ERBB4: variants seen among roughly 807,000 people sequenced by gnomAD.
The protein encoded by ERBB4 is erb-b2 receptor tyrosine kinase 4.
A neutral mutation model predicts 158.0 loss-of-function variants in ERBB4; 42 were observed. The observed-to-expected ratio is 0.27, with a 90% CI of 0.21 to 0.34. The LOEUF (loss-of-function observed/expected upper bound fraction) is 0.34, where lower values mean the gene tolerates loss of function less well. Among genes scored for constraint, ERBB4 ranks in the 10% least tolerant of loss-of-function variants. The pLI, the probability that ERBB4 is intolerant of heterozygous loss-of-function variation, is 1.00. For missense variants in ERBB4, 1,333 were observed against 1,624.1 expected, an observed-to-expected ratio of 0.82 and a Z score of 3.08; for synonymous variants, 583 against 558.7, an observed-to-expected ratio of 1.04 and a Z score of -0.61.
At chr2:211,558,603 G>GA (rs906849861) in intron 20 of ERBB4, among the ~76,000 whole-genome samples, 2 of 151,726 alleles carry the variant, frequency 1.3e-5, no homozygotes, top group African/African-American at 4.8e-5. Context: ...TTGCACATGA[G>GA]AAAAAAATAT....
rs1467383739 is a variant in ERBB4, at chr2:212,124,779, C to T, written c.207G>A (p.Glu69=). ...GCAGGAAGGAGAGGTCCCGGTTGTG[C>T]TCAATGCTGGTTATCTCCAGGTTGC... ...VMGNLEITSI[E]HNRDLSFLRS... The change falls in exon 2 of 28, where the codon GAG becomes GAA. Residue 69 remains glutamate, a synonymous_variant. Transcript: ENST00000342788. The T allele has an allele frequency of 6.2e-7, 1 of 1,614,168 alleles. No individual in the cohort carries two copies. Among genetic ancestry groups the T allele is most frequent in the Non-Finnish European group, 8.5e-7 (1 of 1,180,012 alleles).
intron 2 of ERBB4, among the ~76,000 whole-genome samples, chr2:212,071,145 G>A (rs2078104510): frequency 1.3e-5 from 2 of 151,710 alleles, no homozygotes; most frequent in Admixed American, 1.3e-4. Flanking sequence ...TACTTTCTTT[G>A]GGAATCTGTA....
At chr2:211,390,481 A>C (rs1027960601) in intron 25 of ERBB4, among the ~76,000 whole-genome samples, 1 of 152,254 alleles carries the variant, frequency 6.6e-6, no homozygotes, top group Non-Finnish European at 1.5e-5. Context: ...CTAGAATTAC[A>C]GCTGAGAAAT....
chr2:211,397,501 G>T (rs2062945456), intron 25 of ERBB4, among the ~76,000 whole-genome samples: 1 of 152,140 alleles, frequency 6.6e-6, no homozygotes. Context: ...ATGACCCATA[G>T]AGACGGTAAA....
intron 3 of ERBB4, among the ~76,000 whole-genome samples, chr2:211,866,143 C>T (rs561142699): frequency 2.0e-5 from 3 of 152,136 alleles, no homozygotes; most frequent in East Asian, 3.9e-4. Flanking sequence ...CCCAGCTACT[C>T]GGGAGGCTGG....
At chr2:212,433,281 A>G (rs745861173) in intron 1 of ERBB4, among the ~76,000 whole-genome samples, 18 of 152,042 alleles carry the variant, frequency 1.2e-4, no homozygotes, top group Non-Finnish European at 2.5e-4. Context: ...TACATCAATT[A>G]TAAGTGTGAG....
At chr2:212,342,800 A>G (rs1272962093) in intron 1 of ERBB4, among the ~76,000 whole-genome samples, 3 of 152,210 alleles carry the variant, frequency 2.0e-5, no homozygotes, top group African/African-American at 7.2e-5. Flanking sequence ...CTAAACAATT[A>G]CTTTGCATTA....
intron 16 of ERBB4, among the ~76,000 whole-genome samples, chr2:211,653,799 T>C (rs1456828278): frequency 6.6e-6 from 1 of 151,896 alleles, no homozygotes; most frequent in Non-Finnish European, 1.5e-5. Flanking sequence ...CTCAGCCTCT[T>C]GAGTAGCTGG....
chr2:211,393,241 T>TATA (rs1574401040), intron 25 of ERBB4, among the ~76,000 whole-genome samples: 1 of 152,208 alleles, frequency 6.6e-6, no homozygotes, highest in East Asian at 1.9e-4. Context: ...GAGAAACTAA[T>TATA]ATATATTATG....
intron 1 of ERBB4, among the ~76,000 whole-genome samples, chr2:212,142,205 T>C (rs949863155): frequency 2.0e-5 from 3 of 152,188 alleles, no homozygotes; most frequent in African/African-American, 7.2e-5. Flanking sequence ...TTATATTTTT[T>C]ATCACTTATC....
chr2:211,805,183 T>C (rs1312173737), intron 3 of ERBB4, among the ~76,000 whole-genome samples: 1 of 152,166 alleles, frequency 6.6e-6, no homozygotes, highest in African/African-American at 2.4e-5. Context: ...CCTCCCAAAG[T>C]GCTAAAGTGC....
At chr2:211,552,596 A>G (rs2067128665) in intron 20 of ERBB4, among the ~76,000 whole-genome samples, 2 of 152,180 alleles carry the variant, frequency 1.3e-5, no homozygotes, top group African/African-American at 4.8e-5. Context: ...TCTGAGTTTA[A>G]CCTCAAATCA....
intron 4 of ERBB4, among the ~76,000 whole-genome samples, chr2:211,787,639 GA>G (rs1375907397): frequency 6.6e-6 from 1 of 152,084 alleles, no homozygotes; most frequent in Non-Finnish European, 1.5e-5. Context: ...AAATTATAGT[GA>G]ATAGGAAGGT....
At chr2:211,728,312 A>G (rs1290203227) in intron 5 of ERBB4, among the ~76,000 whole-genome samples, 2 of 151,562 alleles carry the variant, frequency 1.3e-5, no homozygotes, top group Non-Finnish European at 3.0e-5. Flanking sequence ...TGGCACTTAC[A>G]TAGTTTTATT....
At chr2:211,626,794 G>A (rs1367207453) in intron 17 of ERBB4, among the ~76,000 whole-genome samples, 2 of 151,818 alleles carry the variant, frequency 1.3e-5, no homozygotes, top group Non-Finnish European at 2.9e-5. Context: ...ACGTGTTGGC[G>A]GGCGCCTGTA....
intron 1 of ERBB4, among the ~76,000 whole-genome samples, chr2:212,404,336 C>T (rs2106470456): frequency 6.6e-6 from 1 of 152,060 alleles, no homozygotes; most frequent in South Asian, 2.1e-4. Context: ...CTGTTAATCC[C>T]ACCTGGACCC....
intron 1 of ERBB4, among the ~76,000 whole-genome samples, chr2:212,487,487 C>G (rs1435892243): frequency 6.6e-6 from 1 of 151,082 alleles, no homozygotes; most frequent in Non-Finnish European, 1.5e-5. Context: ...AAGTTCTGTA[C>G]AGACAGAGCT....
chr2:211,550,594 T>TATATATATATATATAA lies in ERBB4; in HGVS notation c.2487+11308_2487+11309insTTATATATATATATAT, dbSNP rs1256961213. Reference sequence around the variant, plus strand: ...CTTAGAATATATATATATATATATATAAATATATAGATATCTATCTCTATA... The same window carrying TATATATATATATATAA: ...CTTAGAATATATATATATATATATATATATATATATATATAAAAATATATAGATATCTATCTCTATA... On this transcript the variant is annotated intron_variant, in intron 20 of 27. Coordinates refer to ENST00000342788, the MANE Select transcript of ERBB4 (RefSeq NM_005235.3). Among the ~76,000 whole-genome samples the TATATATATATATATAA allele has an allele frequency of 8.1e-4, 117 of 145,260 alleles. 1 individual carries two copies. The highest frequency in any genetic ancestry group is 1.5e-3 in the Non-Finnish European group (102 of 66,540).
Position 211,665,290 on chromosome 2 carries a change from C to A in ERBB4, c.1871+33G>T, listed in dbSNP as rs772944196. The A allele has an allele frequency of 3.7e-6, 6 of 1,611,204 alleles. No homozygotes were observed. The East Asian group carries it at 1.3e-4, about 36-fold the overall frequency. ...TAAAGATACATGTGGATAACACATA[C>A]CAGGTGAGCCCTTGGCCAGCAAGAA... On this transcript the variant is annotated intron_variant, in intron 15 of 27. Transcript: ENST00000342788.
Sources: allele counts gnomAD v4.1 joint callset (sites outside exome capture counted in the v4.1 genomes callset), GRCh38; gene constraint gnomAD v4.1.1; transcripts MANE v1.5; gene names NCBI Gene and HGNC (gene_info 2026-07-23, HGNC 2026-07-21).